The following NRXN1 variants were observed in gnomAD, a reference collection of about 807,000 sequenced individuals.
The protein encoded by NRXN1 is neurexin 1.
NRXN1 carries 39 observed loss-of-function variants against 150.9 expected under a neutral mutation model. The observed-to-expected ratio is 0.26, with a 90% CI of 0.20 to 0.34. The LOEUF (loss-of-function observed/expected upper bound fraction) is 0.34. Ranked by LOEUF, NRXN1 falls within the 10% of genes least tolerant of loss-of-function variation. The pLI is 1.00. For synonymous variants in NRXN1, 924 were observed against 757.0 expected (o/e 1.22, Z -3.62); for missense variants, 1,815 against 1,949.9 (o/e 0.93, Z 1.30).
At chr2:50,341,751 G>C (rs1415508990) in intron 17 of NRXN1, among the ~76,000 whole-genome samples, 1 of 152,130 alleles carries the variant, frequency 6.6e-6, no homozygotes, top group African/African-American at 2.4e-5. Flanking sequence ...GCAGCAACTT[G>C]GTGGAAAACA....
intron 15 of NRXN1, among the ~76,000 whole-genome samples, chr2:50,488,472 G>A (rs2091032012): frequency 6.6e-6 from 1 of 152,174 alleles, no homozygotes; most frequent in Admixed American, 6.5e-5. Context: ...GAGGAACAAG[G>A]GAATGATCCT....
At chr2:50,030,897 A>G (rs923908990) in intron 21 of NRXN1, among the ~76,000 whole-genome samples, 1 of 152,078 alleles carries the variant, frequency 6.6e-6, no homozygotes, top group Non-Finnish European at 1.5e-5. Flanking sequence ...CAGGCTCAAA[A>G]TCCTGCACTA....
intron 18 of NRXN1, among the ~76,000 whole-genome samples, chr2:50,167,566 C>A (rs10865245): frequency 0.17 from 25,510 of 148,980 alleles, 2,612 homozygotes; most frequent in East Asian, 0.41. Context: ...AAAAAAAAAA[C>A]AACCTGATTA....
At position 50,093,549 on chromosome 2, in the gene NRXN1, C is replaced by T. The variant is rs573371033; in HGVS notation, c.3547-2055G>A. ...ACTCAGGAGGCTGAGGTGGGAAGAT[C>T]ACTTGAGCCCCGGAGGCTGAGGCTG... is the stretch of plus-strand genomic sequence containing the variant. On this transcript the variant is annotated intron_variant, in intron 18 of 22. Coordinates refer to ENST00000401669, the MANE Select transcript of NRXN1 (RefSeq NM_001330078.2). 2.6e-5 allele frequency among the ~76,000 whole-genome samples: 4 copies of T among 151,814 alleles called. No homozygotes were observed. In the East Asian group the frequency reaches 7.7e-4, roughly 29 times the overall value.
At chr2:50,072,337 A>C (rs1041512344) in intron 19 of NRXN1, among the ~76,000 whole-genome samples, 1 of 152,156 alleles carries the variant, frequency 6.6e-6, no homozygotes, top group Non-Finnish European at 1.5e-5. Flanking sequence ...ACAAATCCTT[A>C]CTTATGTTAA....
At position 50,679,609 on chromosome 2, in the gene NRXN1, C is replaced by A. The variant is rs149613552; in HGVS notation, c.833-55994G>T. Among the ~76,000 whole-genome samples, 668 of 151,824 alleles carry A rather than the reference C, an allele frequency of 4.4e-3. 4 individuals are homozygous for A. Among genetic ancestry groups the A allele is most frequent in the African/African-American group, 0.015 (620 of 41,326 alleles). Reference sequence around the variant, plus strand: ...CATGGATCATTGATGACAGTAAGACCCTGCAAAATAAATTCCCTTACTGGA... The same window carrying A: ...CATGGATCATTGATGACAGTAAGACACTGCAAAATAAATTCCCTTACTGGA... On this transcript the variant is annotated intron_variant, in intron 5 of 22. Coordinates refer to ENST00000401669, the MANE Select transcript of NRXN1 (RefSeq NM_001330078.2).
At chr2:50,709,271 C>G (rs1694835114) in intron 5 of NRXN1, among the ~76,000 whole-genome samples, 1 of 152,080 alleles carries the variant, frequency 6.6e-6, no homozygotes, top group Non-Finnish European at 1.5e-5. Flanking sequence ...TGAGATGAAA[C>G]CCGGAACCAT....
intron 18 of NRXN1, among the ~76,000 whole-genome samples, chr2:50,196,636 A>T (rs2061785537): frequency 6.6e-6 from 1 of 152,182 alleles, no homozygotes; most frequent in South Asian, 2.1e-4. Flanking sequence ...TGTCCCATAG[A>T]TAACATATAT....
At chr2:50,394,591 A>C (rs990169167) in intron 17 of NRXN1, among the ~76,000 whole-genome samples, 4 of 152,040 alleles carry the variant, frequency 2.6e-5, no homozygotes, top group African/African-American at 9.7e-5. Context: ...AATCTAAGCC[A>C]CCACTGTCTC....
At chr2:50,164,175 A>G (rs1364428015) in intron 18 of NRXN1, among the ~76,000 whole-genome samples, 1 of 152,202 alleles carries the variant, frequency 6.6e-6, no homozygotes, top group Non-Finnish European at 1.5e-5. Flanking sequence ...CATCTAATAA[A>G]TTAGATACAT....
At chr2:50,771,432 G>A (rs1702999586) in intron 5 of NRXN1, among the ~76,000 whole-genome samples, 1 of 152,058 alleles carries the variant, frequency 6.6e-6, no homozygotes, top group East Asian at 1.9e-4. Context: ...TTATAAAATA[G>A]GAATTGAGAG....
intron 2 of NRXN1, among the ~76,000 whole-genome samples, chr2:51,006,419 T>C (rs984103449): frequency 6.6e-6 from 1 of 151,768 alleles, no homozygotes; most frequent in Admixed American, 6.6e-5. Context: ...GGGGGAGGGA[T>C]AGCATTAGGA....
intron 17 of NRXN1, among the ~76,000 whole-genome samples, chr2:50,254,500 T>G: frequency 6.6e-6 from 1 of 151,760 alleles, no homozygotes; most frequent in South Asian, 2.1e-4. Flanking sequence ...CTTCTAGTTG[T>G]GATGTTAGGG....
chr2:50,181,390 T>A (rs2060704748), intron 18 of NRXN1, among the ~76,000 whole-genome samples: 1 of 152,116 alleles, frequency 6.6e-6, no homozygotes. Context: ...CATGGTCTTA[T>A]AATAGGTTCA....
chr2:50,742,083 T>A (rs1699494363), intron 5 of NRXN1, among the ~76,000 whole-genome samples: 1 of 152,150 alleles, frequency 6.6e-6, no homozygotes, highest in Non-Finnish European at 1.5e-5. Flanking sequence ...TTTATGAATA[T>A]TCAATCAATC....
chr2:50,024,020 G>C (rs570888305), intron 21 of NRXN1: 9 of 152,230 alleles, frequency 5.9e-5, no homozygotes, highest in Admixed American at 4.6e-4. Context: ...TTGGATGTCT[G>C]TCTAGATACA....
chr2:50,003,889 C>A (rs1031880244), intron 21 of NRXN1, among the ~76,000 whole-genome samples: 1 of 152,066 alleles, frequency 6.6e-6, no homozygotes, highest in Non-Finnish European at 1.5e-5. Flanking sequence ...AAAGATGGAA[C>A]ATTTTCCTTC....
intron 2 of NRXN1, among the ~76,000 whole-genome samples, chr2:50,948,731 A>G (rs1189358709): frequency 6.6e-6 from 1 of 152,044 alleles, no homozygotes; most frequent in Non-Finnish European, 1.5e-5. Context: ...TCTTTCAGGC[A>G]GTCACTAATT....
intron 18 of NRXN1, among the ~76,000 whole-genome samples, chr2:50,118,142 G>C (rs6716404): frequency 0.33 from 49,638 of 152,064 alleles, 8,606 homozygotes; most frequent in Admixed American, 0.42. Context: ...GAATGTGTCC[G>C]TTAGTAAGAA....
Sources: gnomAD v4.1 joint callset for allele counts (sites outside exome capture counted in the v4.1 genomes callset) on GRCh38, gnomAD v4.1.1 for gene constraint, MANE v1.5 for transcripts, NCBI Gene and HGNC (gene_info 2026-07-23, HGNC 2026-07-21) for gene names.